HS6ST3: variants seen among roughly 807,000 people sequenced by gnomAD.
HS6ST3 encodes heparan-sulfate 6-O-sulfotransferase 3.
A neutral mutation model predicts 36.7 loss-of-function variants in HS6ST3; 12 were observed. The ratio of observed to expected loss-of-function variants is 0.33; its 90% CI spans 0.21 to 0.53. The LOEUF is 0.53. Ranked by LOEUF, HS6ST3 falls within the 20% of genes least tolerant of loss-of-function variation. The pLI, the probability that HS6ST3 is intolerant of heterozygous loss-of-function variation, is 0.95. For synonymous variants in HS6ST3, 240 were observed against 257.5 expected (o/e 0.93, Z 0.65); for missense variants, 584 against 640.9 (o/e 0.91, Z 0.96).
chr13:96,473,569 CTT>C (rs2055849501), intron 1 of HS6ST3, among the ~76,000 whole-genome samples: 1 of 152,236 alleles, frequency 6.6e-6, no homozygotes. Flanking sequence ...CATCTCACCT[CTT>C]GTCTCCAGCT....
intron 1 of HS6ST3, among the ~76,000 whole-genome samples, chr13:96,816,943 T>C (rs867869031): frequency 1.3e-5 from 2 of 152,250 alleles, no homozygotes; most frequent in Middle Eastern, 3.4e-3. Context: ...CTGTCCTTAT[T>C]CTGCCCAGGT....
At chr13:96,396,015 T>C (rs2055419226) in intron 1 of HS6ST3, among the ~76,000 whole-genome samples, 1 of 152,154 alleles carries the variant, frequency 6.6e-6, no homozygotes, top group South Asian at 2.1e-4. Flanking sequence ...TACCTCCATG[T>C]TTAATCAGGA....
chr13:96,580,510 C>T (rs2056338078), intron 1 of HS6ST3, among the ~76,000 whole-genome samples: 1 of 151,484 alleles, frequency 6.6e-6, no homozygotes, highest in Non-Finnish European at 1.5e-5. Flanking sequence ...TTTAGGAAAA[C>T]ACAGATTGTT....
chr13:96,759,574 C>G (rs186164415), intron 1 of HS6ST3, among the ~76,000 whole-genome samples: 23 of 151,838 alleles, frequency 1.5e-4, no homozygotes, highest in Admixed American at 1.4e-3. Context: ...ATTCATACCC[C>G]TATTCTTTGT....
chr13:96,783,069 A>G (rs8000284), intron 1 of HS6ST3, among the ~76,000 whole-genome samples: 56,497 of 152,056 alleles, frequency 0.37, 11,304 homozygotes, highest in African/African-American at 0.52. Context: ...AAAATAGAGC[A>G]CATTGTTTGT....
At chr13:96,765,060 C>CTTTTTTTTTTTTTTTTTTTTTTTTT (rs11423735) in intron 1 of HS6ST3, among the ~76,000 whole-genome samples, 1 of 93,910 alleles carries the variant, frequency 1.1e-5, no homozygotes, top group Non-Finnish European at 2.0e-5. Context: ...TTGTTTCTTT[C>CTTTTTTTTTTTTTTTTTTTTTTTTT]TTTTTTTTTT....
intron 1 of HS6ST3, among the ~76,000 whole-genome samples, chr13:96,442,391 G>T (rs549724592): frequency 1.3e-4 from 20 of 152,054 alleles, no homozygotes; most frequent in Non-Finnish European, 2.9e-4. Flanking sequence ...GAAAAAAAAA[G>T]ATCCACATTT....
intron 1 of HS6ST3, among the ~76,000 whole-genome samples, chr13:96,767,616 G>T (rs1877150499): frequency 6.6e-6 from 1 of 152,196 alleles, no homozygotes; most frequent in South Asian, 2.1e-4. Flanking sequence ...TGTGGATGCT[G>T]TGGCAAATAC....
intron 1 of HS6ST3, among the ~76,000 whole-genome samples, chr13:96,570,034 T>C (rs906325190): frequency 2.0e-5 from 3 of 152,226 alleles, no homozygotes; most frequent in Non-Finnish European, 4.4e-5. Flanking sequence ...TAAATAAAAC[T>C]GAGACATTAT....
intron 1 of HS6ST3, among the ~76,000 whole-genome samples, chr13:96,670,916 A>T (rs548537882): frequency 1.1e-4 from 17 of 152,160 alleles, no homozygotes; most frequent in African/African-American, 4.1e-4. Flanking sequence ...CCTACTGCTG[A>T]TATTCCCCTC....
At chr13:96,428,242 A>G (rs1164589) in intron 1 of HS6ST3, among the ~76,000 whole-genome samples, 77,648 of 151,948 alleles carry the variant, frequency 0.51, 20,032 homozygotes, top group Non-Finnish European at 0.56. Flanking sequence ...CCAGCTACTC[A>G]GGAGGCTGAG....
At chr13:96,322,198 C>A (rs2055007302) in intron 1 of HS6ST3, among the ~76,000 whole-genome samples, 1 of 152,112 alleles carries the variant, frequency 6.6e-6, no homozygotes, top group South Asian at 2.1e-4. Flanking sequence ...TGCTTCCTGA[C>A]CTGCATAATC....
chr13:96,648,664 A>G (rs753222571), intron 1 of HS6ST3, among the ~76,000 whole-genome samples: 7 of 151,668 alleles, frequency 4.6e-5, no homozygotes, highest in Non-Finnish European at 1.0e-4. Flanking sequence ...CCATGCCCCC[A>G]CAACAGGCCC....
chr13:96,614,065 G>C (rs1323806291), intron 1 of HS6ST3, among the ~76,000 whole-genome samples: 1 of 151,934 alleles, frequency 6.6e-6, no homozygotes, highest in African/African-American at 2.4e-5. Flanking sequence ...TTGGGAGGCC[G>C]AGGCGGGCGA....
intron 1 of HS6ST3, among the ~76,000 whole-genome samples, chr13:96,135,233 C>G (rs1264103318): frequency 1.3e-5 from 2 of 152,068 alleles, no homozygotes; most frequent in African/African-American, 4.8e-5. Flanking sequence ...TGATCTTCTT[C>G]CTTCATTCCC....
chr13:96,271,053 T>C (rs936838344), intron 1 of HS6ST3, among the ~76,000 whole-genome samples: 3 of 151,918 alleles, frequency 2.0e-5, no homozygotes, highest in Non-Finnish European at 4.4e-5. Flanking sequence ...TATCACAGTT[T>C]CCAGTGACAG....
At chr13:96,186,892 A>G (rs2054267245) in intron 1 of HS6ST3, among the ~76,000 whole-genome samples, 1 of 152,204 alleles carries the variant, frequency 6.6e-6, no homozygotes, top group Non-Finnish European at 1.5e-5. Context: ...GCCACCAGTG[A>G]TGATGCTAGC....
intron 1 of HS6ST3, among the ~76,000 whole-genome samples, chr13:96,298,052 C>T (rs150900408): frequency 1.3e-5 from 2 of 152,200 alleles, no homozygotes; most frequent in East Asian, 1.9e-4. Flanking sequence ...TGTTTTGGCT[C>T]TTCCATGAAT....
At chr13:96,136,273 T>C (rs2054001030) in intron 1 of HS6ST3, among the ~76,000 whole-genome samples, 1 of 152,182 alleles carries the variant, frequency 6.6e-6, no homozygotes, top group Non-Finnish European at 1.5e-5. Context: ...AAACAATACT[T>C]GAGACTGGGT....
Sources: allele counts gnomAD v4.1 joint callset (sites outside exome capture counted in the v4.1 genomes callset), GRCh38; gene constraint gnomAD v4.1.1; transcripts MANE v1.5; gene names NCBI Gene and HGNC (gene_info 2026-07-23, HGNC 2026-07-21).